NME2: variants seen among roughly 807,000 people sequenced by gnomAD.
NME2 encodes the protein nucleoside diphosphate kinase B.
Under a neutral mutation model 17.8 loss-of-function variants are expected in NME2, and 18 were observed. The observed-to-expected ratio is 1.01, with a 90% CI of 0.70 to 1.50. The LOEUF is 1.50. NME2 is among the 40% of genes most tolerant of loss of function. The pLI is 0.00. For missense variants in NME2, 161 were observed against 195.6 expected, an observed-to-expected ratio of 0.82 and a Z score of 1.05; for synonymous variants, 74 against 71.4, an observed-to-expected ratio of 1.04 and a Z score of -0.19.
rs777958875 is a variant in NME2, at chr17:51,166,876, G to T, written c.46G>T (p.Val16Leu). ...CTTCATCGCCATCAAGCCGGACGGC[G>T]TGCAGCGCGGCCTGGTGGGCGAGAT... The part of the protein sequence containing the change: ...RTFIAIKPDG[V>L]QRGLVGEIIK... The change falls in exon 2 of 5, where the codon GTG becomes TTG. Residue 16 changes from valine (V) to leucine (L), a missense_variant. By Grantham distance (32) the Val-to-Leu change is conservative. Transcript: ENST00000512737. 7 of 1,613,584 alleles carry T rather than the reference G, an allele frequency of 4.3e-6. No individual in the cohort carries two copies. The highest frequency in any genetic ancestry group is 5.9e-6 in the Non-Finnish European group (7 of 1,179,820).
chr17:51,167,086 C>CCGCCCA (rs1294848095), intron 2 of NME2, 130 bp downstream of exon 2: 12 of 1,555,270 alleles, frequency 7.7e-6, no homozygotes, highest in Non-Finnish European at 9.5e-6. Flanking sequence ...CCCTCTGCCC[C>CCGCCCA]CGCCCACGGC....
Position 51,171,705 on chromosome 17 carries a change from T to C in NME2, c.*101T>C. 1.1e-6 allele frequency: 1 copy of C among 870,088 alleles called. No homozygotes were observed. Among genetic ancestry groups the C allele is most frequent in the East Asian group, 2.5e-5 (1 of 40,216 alleles). 53.9% of individuals were successfully genotyped at this position (870,088 alleles called of 1,614,324 possible). A position where few individuals can be genotyped will look rare whatever the true frequency, so the allele number is the denominator to read the frequency against. Reference sequence around the variant, plus strand: ...AGAGGCAACAGGATTGATCATTCTTTTATAGAGCATATTTGCCAATAAAGC... The same window carrying C: ...AGAGGCAACAGGATTGATCATTCTTCTATAGAGCATATTTGCCAATAAAGC... On this transcript the variant is annotated 3_prime_UTR_variant, in exon 5 of 5. Transcript: ENST00000512737.
intron 2 of NME2, among the ~76,000 whole-genome samples, chr17:51,167,589 G>A (rs1394585986): frequency 6.6e-6 from 1 of 152,158 alleles, no homozygotes; most frequent in Non-Finnish European, 1.5e-5. Flanking sequence ...ATGTACTTCA[G>A]TTGCAGCCAA....
At chr17:51,167,361 C>G (rs529537110) in intron 2 of NME2, 5 of 274,980 alleles carry the variant, frequency 1.8e-5, no homozygotes, top group African/African-American at 1.2e-4. Flanking sequence ...CAGTGCGGTG[C>G]TCCTCCTTTA....
In NME2 at chr17:51,169,888, C is replaced by A. The variant is rs370027456; in HGVS notation, c.229-49C>A. On this transcript the variant is annotated intron_variant, in intron 3 of 4. Transcript: ENST00000512737. ...GGTAGGAGTAAATGTTAGACCCTAC[C>A]TGTCCTGAGTGGCAGGTCTGATTAT... 26 of 1,568,984 alleles carry A rather than the reference C, an allele frequency of 1.7e-5. No homozygotes were observed. The African/African-American group carries it at 2.8e-4, about 17-fold the overall frequency.
chr17:51,169,906 C>T (rs747950871), intron 3 of NME2, 31 bp from the exon 4 acceptor site: 1 of 1,606,492 alleles, frequency 6.2e-7, no homozygotes, highest in East Asian at 2.2e-5. Flanking sequence ...AGTGGCAGGT[C>T]TGATTATAAA....
At position 51,168,973 on chromosome 17, in the gene NME2, TACTC is replaced by T. The variant is rs545631138; in HGVS notation, c.228+632_228+635del. On this transcript the variant is annotated intron_variant, in intron 3 of 4. Transcript: ENST00000512737. The stretch of plus-strand genomic sequence containing the variant: ...AAGACTCCATCTCAAAAAAAAATAA[TACTC>T]AATTTCTTCTGTTTGACAAGTGTTT... Among the ~76,000 whole-genome samples the T allele has an allele frequency of 3.6e-3, 549 of 151,640 alleles. 1 individual carries two copies. The highest frequency in any genetic ancestry group is 6.0e-3 in the Non-Finnish European group (408 of 67,818).
Position 51,167,142 on chromosome 17 carries a change from C to G in NME2, c.126+186C>G, listed in dbSNP as rs574938693. On this transcript the variant is annotated intron_variant, in intron 2 of 4. Coordinates refer to ENST00000512737, the MANE Select transcript of NME2 (RefSeq NM_002512.4). Reference sequence around the variant, plus strand: ...TTCCCGGGGTGGTGGGGACAGACGCCCTTGGGAAGGTGAAGCGCTGGTAGC... The same window carrying G: ...TTCCCGGGGTGGTGGGGACAGACGCGCTTGGGAAGGTGAAGCGCTGGTAGC... 7 of 1,311,662 alleles carry G rather than the reference C, an allele frequency of 5.3e-6. No individual in the cohort carries two copies. In the African/African-American group the frequency reaches 7.7e-5, roughly 14 times the overall value. The allele number at this position is 1,311,662 out of a possible 1,614,324, so 81.3% of individuals were successfully genotyped here.
intron 2 of NME2, 159 bp downstream of exon 2, chr17:51,167,115 C>G: frequency 6.8e-7 from 1 of 1,470,304 alleles, no homozygotes; most frequent in Admixed American, 2.3e-5. Flanking sequence ...CCCGCCGACC[C>G]TTTCCCGGGG....
rs573457394 is a variant in NME2, at chr17:51,168,219, T to A, written c.127-23T>A. On this transcript the variant is annotated intron_variant, in intron 2 of 4. Transcript: ENST00000512737. ...GAGTCTTTCCAGCTTAGCTCCTAAC[T>A]GGTGCCTCCTCTCCAATGCCAGGCC... 8 of 1,612,616 alleles carry A rather than the reference T, an allele frequency of 5.0e-6. No homozygotes were observed. The African/African-American group carries it at 1.1e-4, about 22-fold the overall frequency.
intron 2 of NME2, among the ~76,000 whole-genome samples, chr17:51,167,647 T>A (rs942670631): frequency 1.3e-5 from 2 of 151,268 alleles, no homozygotes; most frequent in Non-Finnish European, 2.9e-5. Flanking sequence ...CTTTTTAGGC[T>A]TACAAAACCC....
chr17:51,166,115 CTG>C (rs34942810), upstream of NME2, among the ~76,000 whole-genome samples: 35,228 of 148,678 alleles, frequency 0.24, 4,481 homozygotes, highest in Admixed American at 0.3. Flanking sequence ...GGAGCAGGTT[CTG>C]TGTGTGTGTG....
chr17:51,170,290 C>T (rs2050043345), intron 4 of NME2, among the ~76,000 whole-genome samples: 1 of 151,598 alleles, frequency 6.6e-6, no homozygotes, highest in Non-Finnish European at 1.5e-5. Flanking sequence ...TACAGGTGCA[C>T]ACTGCCACGC....
chr17:51,168,492 G>A, intron 3 of NME2, 149 bp downstream of exon 3: 1 of 740,324 alleles, frequency 1.4e-6, no homozygotes, highest in Non-Finnish European at 2.2e-6. Flanking sequence ...GGAGGAGAAA[G>A]CAAATCAGAC....
Position 51,171,681 on chromosome 17 carries a change from G to A in NME2, c.*77G>A. On this transcript the variant is annotated 3_prime_UTR_variant, in exon 5 of 5. Transcript: ENST00000512737. ...CACAGCTCTTCATTCCATTGACTTA[G>A]AGGCAACAGGATTGATCATTCTTTT... is the stretch of plus-strand genomic sequence containing the variant. 1 of 1,076,244 alleles carries A rather than the reference G, an allele frequency of 9.3e-7. No homozygotes were observed. The highest frequency in any genetic ancestry group is 2.4e-5 in the East Asian group (1 of 42,004). The allele number at this position is 1,076,244 out of a possible 1,614,324, so 66.7% of individuals were successfully genotyped here.
upstream of NME2, among the ~76,000 whole-genome samples, chr17:51,166,115 C>CAGGTTCTG (rs2049929666): frequency 6.7e-6 from 1 of 148,860 alleles, no homozygotes; most frequent in African/African-American, 2.5e-5. Flanking sequence ...GGAGCAGGTT[C>CAGGTTCTG]TGTGTGTGTG....
At chr17:51,170,701 C>G (rs1325610954) in intron 4 of NME2, among the ~76,000 whole-genome samples, 1 of 150,380 alleles carries the variant, frequency 6.6e-6, no homozygotes, top group East Asian at 2.0e-4. Flanking sequence ...ACAGAAGAAT[C>G]GCTTGAACCT....
At chr17:51,171,464 C>G in intron 4 of NME2, 23 bp from the exon 5 acceptor site, 1 of 1,606,742 alleles carries the variant, frequency 6.2e-7, no homozygotes, top group Non-Finnish European at 8.5e-7. Context: ...AACATGGCAA[C>G]TTGTAATTGT....
At chr17:51,168,385 C>T (rs375673926) in intron 3 of NME2, 42 bp downstream of exon 3, 4 of 1,595,456 alleles carry the variant, frequency 2.5e-6, no homozygotes, top group South Asian at 1.1e-5. Flanking sequence ...GGAAAAAGTG[C>T]TCAGTGTTCT....
Sources: gnomAD v4.1 joint callset for allele counts (sites outside exome capture counted in the v4.1 genomes callset) on GRCh38, gnomAD v4.1.1 for gene constraint, MANE v1.5 for transcripts, NCBI Gene and HGNC (gene_info 2026-07-23, HGNC 2026-07-21) for gene names.